PRKCE: variants seen among roughly 807,000 people sequenced by gnomAD.
PRKCE encodes protein kinase C epsilon type.
Under a neutral mutation model 85.4 loss-of-function variants are expected in PRKCE, and 16 were observed. The ratio of observed to expected loss-of-function variants is 0.19; its 90% CI spans 0.13 to 0.28. The LOEUF is 0.28. Ranked by LOEUF, PRKCE falls within the 10% of genes least tolerant of loss-of-function variation. The pLI, the probability that PRKCE is intolerant of heterozygous loss-of-function variation, is 1.00. For missense variants in PRKCE, 573 were observed against 975.2 expected, an observed-to-expected ratio of 0.59 and a Z score of 5.49; for synonymous variants, 388 against 371.5, an observed-to-expected ratio of 1.04 and a Z score of -0.51.
intron 2 of PRKCE, among the ~76,000 whole-genome samples, chr2:45,924,871 A>G (rs1698496819): frequency 6.6e-6 from 1 of 152,192 alleles, no homozygotes; most frequent in South Asian, 2.1e-4. Flanking sequence ...TCAGTTACCA[A>G]AGCCAGGCCT....
intron 2 of PRKCE, among the ~76,000 whole-genome samples, chr2:45,880,961 G>A (rs1163980202): frequency 6.6e-6 from 1 of 151,982 alleles, no homozygotes; most frequent in African/African-American, 2.4e-5. Flanking sequence ...AGACCATCCG[G>A]GCTAAAACGG....
chr2:45,959,242 C>G (rs1012817789), intron 2 of PRKCE, among the ~76,000 whole-genome samples: 11 of 152,142 alleles, frequency 7.2e-5, no homozygotes, highest in Non-Finnish European at 1.5e-4. Flanking sequence ...TTGTGCCAGA[C>G]TGCTAGCCAG....
At chr2:45,808,409 C>A (rs543374344) in intron 1 of PRKCE, among the ~76,000 whole-genome samples, 1 of 152,150 alleles carries the variant, frequency 6.6e-6, no homozygotes, top group Non-Finnish European at 1.5e-5. Flanking sequence ...ACACTAACAA[C>A]CATAAAAAAG....
chr2:45,984,021 T>G (rs1395131921), intron 5 of PRKCE, among the ~76,000 whole-genome samples: 1 of 147,336 alleles, frequency 6.8e-6, no homozygotes, highest in Non-Finnish European at 1.5e-5. Context: ...CACTGCAACC[T>G]CTGCCTCCCG....
Position 45,789,270 on chromosome 2 carries a change from A to G in PRKCE, c.349-53730A>G, listed in dbSNP as rs186624791. 2.1e-3 allele frequency among the ~76,000 whole-genome samples: 313 copies of G among 152,312 alleles called. 1 individual carries two copies. Among genetic ancestry groups the G allele is most frequent in the African/African-American group, 6.9e-3 (288 of 41,574 alleles). On this transcript the variant is annotated intron_variant, in intron 1 of 14. Transcript: ENST00000306156. ...AGGTGCCTCTGGATTTTGTATAATA[A>G]TGTGATAACTCAGAAATTTGTGTAC...
chr2:46,050,311 T>C (rs1447738680), intron 10 of PRKCE, among the ~76,000 whole-genome samples: 9 of 152,264 alleles, frequency 5.9e-5, no homozygotes, highest in Admixed American at 5.2e-4. Flanking sequence ...TTCTAATCCC[T>C]GAGCCGTGAG....
At chr2:45,686,712 A>C (rs1677325920) in intron 1 of PRKCE, among the ~76,000 whole-genome samples, 1 of 152,194 alleles carries the variant, frequency 6.6e-6, no homozygotes, top group African/African-American at 2.4e-5. Flanking sequence ...AATATACTGA[A>C]TATAGTTTAA....
rs1003229938 is a variant in PRKCE at position 46,001,160 on chromosome 2, C to G, written c.824-244C>G. ...CTTACTTATCTATATTTAGGGTATA[C>G]GTAGAAAGGATGGCTGGAATGAAGT... is the stretch of plus-strand genomic sequence containing the variant. On this transcript the variant is annotated intron_variant, in intron 6 of 14. Coordinates refer to ENST00000306156, the MANE Select transcript of PRKCE (RefSeq NM_005400.3). This position sits in a 1 kb window ranked among gnomAD's most constrained non-coding sequence, Gnocchi z 4.4. Among the ~76,000 whole-genome samples, 2 of 151,658 alleles carry G rather than the reference C, an allele frequency of 1.3e-5. No individual in the cohort carries two copies. The highest frequency in any genetic ancestry group is 2.9e-5 in the Non-Finnish European group (2 of 67,948).
At chr2:45,709,985 T>C (rs1461132122) in intron 1 of PRKCE, among the ~76,000 whole-genome samples, 3 of 152,158 alleles carry the variant, frequency 2.0e-5, no homozygotes. Context: ...AATTTTTGTA[T>C]TATTTAGTAG....
At chr2:46,006,174 G>A (rs1273994543) in intron 8 of PRKCE, among the ~76,000 whole-genome samples, 1 of 152,216 alleles carries the variant, frequency 6.6e-6, no homozygotes, top group Non-Finnish European at 1.5e-5. Flanking sequence ...TTACAGAACA[G>A]AAATAAGACA....
chr2:45,756,724 C>T (rs1376013058), intron 1 of PRKCE, among the ~76,000 whole-genome samples: 1 of 152,106 alleles, frequency 6.6e-6, no homozygotes, highest in African/African-American at 2.4e-5. Flanking sequence ...ATTTGGAATG[C>T]ACATTATATG....
intron 2 of PRKCE, 36 bp from the exon 3 acceptor site, chr2:45,976,393 G>A (rs1380456268): frequency 6.3e-7 from 1 of 1,590,976 alleles, no homozygotes; most frequent in African/African-American, 1.3e-5. Context: ...CACTAACCCA[G>A]ACTCCGTTTT....
chr2:46,117,538 G>A (rs1672894373), intron 11 of PRKCE, among the ~76,000 whole-genome samples: 1 of 152,158 alleles, frequency 6.6e-6, no homozygotes, highest in Non-Finnish European at 1.5e-5. Context: ...GTACCTTCTG[G>A]GGAGCCAGAA....
At chr2:45,760,912 C>T (rs919986596) in intron 1 of PRKCE, among the ~76,000 whole-genome samples, 1 of 152,116 alleles carries the variant, frequency 6.6e-6, no homozygotes, top group Non-Finnish European at 1.5e-5. Flanking sequence ...GACCTTGTCT[C>T]TTTACCAAAA....
chr2:45,800,482 G>A (rs1377504135), intron 1 of PRKCE, among the ~76,000 whole-genome samples: 1 of 152,238 alleles, frequency 6.6e-6, no homozygotes, highest in East Asian at 1.9e-4. Flanking sequence ...GCCAAGGGCA[G>A]TTTTAGTCAG....
At chr2:45,658,361 G>C (rs1558531610) in intron 1 of PRKCE, among the ~76,000 whole-genome samples, 1 of 152,210 alleles carries the variant, frequency 6.6e-6, no homozygotes, top group African/African-American at 2.4e-5. Flanking sequence ...AAGGACCTGA[G>C]TTAGCCTTCA....
Position 46,150,225 on chromosome 2 carries a change from G to A in PRKCE, c.1732-816G>A, listed in dbSNP as rs924272398. ...TAAGTGAATTTGACTCTACATATTT[G>A]GCTAGAGGAAAAAGAGAGACAGCAT... On this transcript the variant is annotated intron_variant, in intron 12 of 14. Coordinates refer to ENST00000306156, the MANE Select transcript of PRKCE (RefSeq NM_005400.3). Among the ~76,000 whole-genome samples the A allele has an allele frequency of 5.1e-4, 77 of 152,086 alleles. 1 individual carries two copies. The highest frequency in any genetic ancestry group is 5.9e-4 in the Admixed American group (9 of 15,274).
chr2:46,177,073 TC>T (rs1679498000), intron 14 of PRKCE, among the ~76,000 whole-genome samples: 1 of 152,104 alleles, frequency 6.6e-6, no homozygotes, highest in Non-Finnish European at 1.5e-5. Context: ...TAGAAATATG[TC>T]CCAAAATAAG....
At chr2:46,051,090 C>A (rs1708829597) in intron 10 of PRKCE, among the ~76,000 whole-genome samples, 1 of 152,244 alleles carries the variant, frequency 6.6e-6, no homozygotes, top group South Asian at 2.1e-4. Flanking sequence ...TCCATGGATT[C>A]TGCTTTCATA....
Sources: allele counts gnomAD v4.1 joint callset (sites outside exome capture counted in the v4.1 genomes callset), GRCh38; gene constraint gnomAD v4.1.1; non-coding constraint Gnocchi (gnomAD v3.1); transcripts MANE v1.5; gene names NCBI Gene and HGNC (gene_info 2026-07-23, HGNC 2026-07-21).